The following THRB variants were observed in gnomAD, a reference collection of about 807,000 sequenced individuals.
The protein encoded by THRB is nuclear receptor subfamily 1 group A member 2.
THRB carries 12 observed loss-of-function variants against 47.8 expected under a neutral mutation model. That is an observed-to-expected ratio of 0.25 (90% CI 0.16 to 0.41). THRB has a LOEUF of 0.41. THRB is among the 10% of genes least tolerant of loss of function. THRB has a pLI of 1.00. For synonymous variants in THRB, 218 were observed against 212.2 expected, an observed-to-expected ratio of 1.03 and a Z score of -0.24; for missense variants, 348 against 589.2, an observed-to-expected ratio of 0.59 and a Z score of 4.24.
rs137924999 is a variant in THRB, at chr3:24,302,196, C to T, written c.-188-4825G>A. 8.9e-4 allele frequency among the ~76,000 whole-genome samples: 136 copies of T among 152,294 alleles called. 1 individual carries two copies. The highest frequency in any genetic ancestry group is 3.2e-3 in the African/African-American group (133 of 41,554). The stretch of plus-strand genomic sequence containing the variant: ...ATGTATTAGCAAGTAGGGCAACAAC[C>T]GTTCTAGATGTACCCTCCATTCTGT... On this transcript the variant is annotated intron_variant, in intron 2 of 10. Coordinates refer to ENST00000646209, the MANE Select transcript of THRB (RefSeq NM_001354712.2).
chr3:24,364,363 G>A (rs952957407), intron 1 of THRB, among the ~76,000 whole-genome samples: 4 of 152,094 alleles, frequency 2.6e-5, no homozygotes, highest in Non-Finnish European at 4.4e-5. Flanking sequence ...AAGTATGGAA[G>A]AAAATCACAT....
At chr3:24,439,490 T>C (rs181270416) in intron 1 of THRB, among the ~76,000 whole-genome samples, 35 of 152,316 alleles carry the variant, frequency 2.3e-4, no homozygotes, top group Non-Finnish European at 4.4e-5. Context: ...CATATGTTTC[T>C]ATATTCTTTA....
intron 5 of THRB, chr3:24,164,980 A>G (rs753841024): frequency 2.9e-6 from 2 of 686,660 alleles, no homozygotes; most frequent in Non-Finnish European, 5.3e-6. Context: ...AATGAAACGA[A>G]AACAAACAGT....
At position 24,454,846 on chromosome 3, in the gene THRB, A is replaced by T. The variant is rs151292908; in HGVS notation, c.-261+39806T>A. On this transcript the variant is annotated intron_variant, in intron 1 of 10. Transcript: ENST00000646209. ...AAGAAAACATACTCGGAAAGAATAA[A>T]CATCCTTTCCACGATCACAAAGATA... 2.2e-4 allele frequency among the ~76,000 whole-genome samples: 34 copies of T among 152,274 alleles called. No homozygotes were observed. In the East Asian group the frequency reaches 5.8e-3, roughly 26 times the overall value.
At chr3:24,315,172 G>A (rs573336508) in intron 2 of THRB, among the ~76,000 whole-genome samples, 1 of 152,148 alleles carries the variant, frequency 6.6e-6, no homozygotes, top group Non-Finnish European at 1.5e-5. Context: ...TGATGGACAC[G>A]TCTTGACCCA....
chr3:24,281,504 G>C (rs1290880185), intron 3 of THRB, among the ~76,000 whole-genome samples: 1 of 151,900 alleles, frequency 6.6e-6, no homozygotes, highest in East Asian at 1.9e-4. Context: ...AGACCATCGA[G>C]ACTAGGAGGA....
chr3:24,194,383 T>C (rs1335951277), intron 4 of THRB, among the ~76,000 whole-genome samples: 4 of 152,204 alleles, frequency 2.6e-5, no homozygotes, highest in African/African-American at 9.7e-5. Flanking sequence ...CTAGAAACGA[T>C]CATATCTTGT....
rs77234918 is a variant in THRB at position 24,237,150 on chromosome 3, C to T, written c.-42-8149G>A. Reference sequence around the variant, plus strand: ...AGTGAAAGCTCTGTCTGTACCGTATCCCAGGTATTAATCTGAGTGGGTCAC... The same window carrying T: ...AGTGAAAGCTCTGTCTGTACCGTATTCCAGGTATTAATCTGAGTGGGTCAC... On this transcript the variant is annotated intron_variant, in intron 3 of 10. Transcript: ENST00000646209. Among the ~76,000 whole-genome samples the T allele has an allele frequency of 1.8e-3, 278 of 152,268 alleles. 1 individual carries two copies. The highest frequency in any genetic ancestry group is 6.1e-3 in the African/African-American group (255 of 41,572).
chr3:24,327,009 C>T (rs1423005838), intron 2 of THRB, among the ~76,000 whole-genome samples: 7 of 151,926 alleles, frequency 4.6e-5, no homozygotes, highest in Non-Finnish European at 8.8e-5. Flanking sequence ...ATGATCCGCC[C>T]GCCTCAGCTT....
At chr3:24,480,188 G>C (rs1473662870) in intron 1 of THRB, among the ~76,000 whole-genome samples, 1 of 152,162 alleles carries the variant, frequency 6.6e-6, no homozygotes, top group Non-Finnish European at 1.5e-5. Context: ...TTTCATCTCA[G>C]AGTTTGCTTC....
chr3:24,190,343 T>A lies in THRB; in HGVS notation c.23-9A>T, dbSNP rs1331016014. Reference sequence around the variant, plus strand: ...GGCTGTAAGGCCATTTTCTAAAGGGTTGAAAAACACGAGATGACGAGCTGT... The same window carrying A: ...GGCTGTAAGGCCATTTTCTAAAGGGATGAAAAACACGAGATGACGAGCTGT... On this transcript the variant is annotated splice_polypyrimidine_tract_variant and intron_variant, in intron 4 of 10. Transcript: ENST00000646209. 8 of 1,613,990 alleles carry A rather than the reference T, an allele frequency of 5.0e-6. No homozygotes were observed. Among genetic ancestry groups the A allele is most frequent in the Non-Finnish European group, 6.8e-6 (8 of 1,179,910 alleles).
At chr3:24,448,050 A>G (rs1416537536) in intron 1 of THRB, among the ~76,000 whole-genome samples, 4 of 151,976 alleles carry the variant, frequency 2.6e-5, no homozygotes, top group African/African-American at 7.2e-5. Context: ...AGAAGCAACT[A>G]CTTATTTCTT....
At chr3:24,384,164 G>A (rs1056026707) in intron 1 of THRB, among the ~76,000 whole-genome samples, 4 of 152,008 alleles carry the variant, frequency 2.6e-5, no homozygotes, top group Admixed American at 2.6e-4. Flanking sequence ...TGAAGAAATG[G>A]GCCTCAGACT....
At chr3:24,190,365 C>G (rs747454262) in intron 4 of THRB, 31 bp from the exon 5 acceptor site, 2 of 1,613,818 alleles carry the variant, frequency 1.2e-6, no homozygotes, top group South Asian at 2.2e-5. Context: ...AGATGACGAG[C>G]TGTTGGCATT....
rs576737411 is a variant in THRB at position 24,457,002 on chromosome 3, T to C, written c.-261+37650A>G. On this transcript the variant is annotated intron_variant, in intron 1 of 10. Transcript: ENST00000646209. ...TCATCAATTGGCAAACCTCTCCTAA[T>C]TGTGTTCCTAATTAAGCTTTATTGG... Among the ~76,000 whole-genome samples, 230 of 152,272 alleles carry C rather than the reference T, an allele frequency of 1.5e-3. 1 individual carries two copies. Among genetic ancestry groups the C allele is most frequent in the African/African-American group, 4.4e-3 (184 of 41,552 alleles).
chr3:24,408,167 A>G (rs1181813979), intron 1 of THRB, among the ~76,000 whole-genome samples: 1 of 151,900 alleles, frequency 6.6e-6, no homozygotes, highest in African/African-American at 2.4e-5. Context: ...ATCAAATACC[A>G]GCAGTTTTAT....
At chr3:24,279,599 G>A (rs1166691862) in intron 3 of THRB, among the ~76,000 whole-genome samples, 1 of 147,412 alleles carries the variant, frequency 6.8e-6, no homozygotes, top group Non-Finnish European at 1.5e-5. Context: ...GTTTCACTGT[G>A]TTAGCCAGGA....
intron 4 of THRB, among the ~76,000 whole-genome samples, 160 bp from the exon 5 acceptor site, chr3:24,190,494 G>C (rs955639954): frequency 6.6e-6 from 1 of 151,796 alleles, no homozygotes; most frequent in Non-Finnish European, 1.5e-5. Context: ...TGTCAGCCTT[G>C]GGCATTTAGC....
intron 8 of THRB, among the ~76,000 whole-genome samples, chr3:24,139,385 C>CTTTTTTTT (rs35616801): frequency 7.0e-6 from 1 of 142,604 alleles, no homozygotes. Context: ...TTTTTCTTTT[C>CTTTTTTTT]TTTCTTTTTT....
Sources: gnomAD v4.1 joint callset for allele counts (sites outside exome capture counted in the v4.1 genomes callset) on GRCh38, gnomAD v4.1.1 for gene constraint, MANE v1.5 for transcripts, NCBI Gene and HGNC (gene_info 2026-07-23, HGNC 2026-07-21) for gene names.